Variants in WSCD2 observed in about 807,000 individuals in gnomAD.
The protein encoded by WSCD2 is WSC domain sialate O sulfotransferase 2.
Under a neutral mutation model 55.7 loss-of-function variants are expected in WSCD2, and 28 were observed. That is an observed-to-expected ratio of 0.50 (90% confidence interval 0.37 to 0.69). WSCD2 has a LOEUF of 0.69. WSCD2 is among the 30% of genes least tolerant of loss of function. The pLI is 0.00. For missense variants in WSCD2, 616 were observed against 762.1 expected (o/e 0.81, Z 2.26); for synonymous variants, 301 against 301.9 (o/e 1.00, Z 0.03).
chr12:108,210,031 C>G lies in WSCD2; in HGVS notation c.498-90C>G. 1 of 1,545,316 alleles carries G rather than the reference C, an allele frequency of 6.5e-7. No individual in the cohort carries two copies. The highest frequency in any genetic ancestry group is 1.2e-5 in the South Asian group (1 of 83,988). On this transcript the variant is annotated intron_variant, in intron 3 of 8. Transcript: ENST00000547525. This position sits in a 1 kb window ranked among gnomAD's most constrained non-coding sequence, Gnocchi z 4.3. The stretch of plus-strand genomic sequence containing the variant: ...CCCTGGGATCTCCTGGTCCCCAGAG[C>G]CCTCCCATCCCCCAGGTCTCCATGT...
intron 7 of WSCD2, 40 bp from the exon 8 acceptor site, chr12:108,240,304 C>T: frequency 6.2e-7 from 1 of 1,608,084 alleles, no homozygotes; most frequent in Non-Finnish European, 8.5e-7. Context: ...CTTGCTTCCC[C>T]AGCTCACCAG....
intron 4 of WSCD2, among the ~76,000 whole-genome samples, chr12:108,218,934 C>A (rs1282834514): frequency 6.6e-6 from 1 of 152,190 alleles, no homozygotes; most frequent in Non-Finnish European, 1.5e-5. Context: ...GTTACTCTCT[C>A]TTCTTATGAT....
At chr12:108,209,595 C>T (rs1399712697) in intron 3 of WSCD2, among the ~76,000 whole-genome samples, 1 of 151,896 alleles carries the variant, frequency 6.6e-6, no homozygotes, top group African/African-American at 2.4e-5. Flanking sequence ...GTGGATGGTC[C>T]CTGGGTGTTC....
At chr12:108,142,850 G>A (rs550081966) in intron 1 of WSCD2, among the ~76,000 whole-genome samples, 1 of 151,698 alleles carries the variant, frequency 6.6e-6, no homozygotes, top group Non-Finnish European at 1.5e-5. Flanking sequence ...GTCTTGCTCT[G>A]TCACCCAGGC....
chr12:108,203,746 A>G (rs1251000830), intron 2 of WSCD2, among the ~76,000 whole-genome samples: 1 of 152,248 alleles, frequency 6.6e-6, no homozygotes, highest in Non-Finnish European at 1.5e-5. Flanking sequence ...GAATGTGCCT[A>G]TCCTTACCCT....
At chr12:108,166,407 G>A (rs1879596343) in intron 1 of WSCD2, among the ~76,000 whole-genome samples, 1 of 152,220 alleles carries the variant, frequency 6.6e-6, no homozygotes, top group Non-Finnish European at 1.5e-5. Context: ...GATTCTTAGG[G>A]TGTCTGCTCC....
At chr12:108,227,880 A>C (rs572349470) in intron 6 of WSCD2, among the ~76,000 whole-genome samples, 1 of 152,080 alleles carries the variant, frequency 6.6e-6, no homozygotes, top group African/African-American at 2.4e-5. Flanking sequence ...GATGAAAGTG[A>C]TGATGACGAT....
chr12:108,175,900 C>T (rs1459698516), intron 1 of WSCD2, among the ~76,000 whole-genome samples: 2 of 152,092 alleles, frequency 1.3e-5, no homozygotes, highest in African/African-American at 4.8e-5. Flanking sequence ...AGTGCAGTGG[C>T]ACGATCTTGG....
At chr12:108,207,903 C>A (rs1885623796) in intron 3 of WSCD2, among the ~76,000 whole-genome samples, 1 of 152,024 alleles carries the variant, frequency 6.6e-6, no homozygotes, top group Non-Finnish European at 1.5e-5. Flanking sequence ...GAGCTCACAG[C>A]CGGCAAGGGG....
chr12:108,222,683 G>A (rs901742735), intron 4 of WSCD2, among the ~76,000 whole-genome samples: 74 of 152,234 alleles, frequency 4.9e-4, no homozygotes, highest in African/African-American at 1.3e-3. Context: ...AATAGAGATG[G>A]AGGTCTCACT....
chr12:108,165,095 T>C (rs1879476262), intron 1 of WSCD2, among the ~76,000 whole-genome samples: 1 of 152,122 alleles, frequency 6.6e-6, no homozygotes, highest in Admixed American at 6.6e-5. Flanking sequence ...CTGGAGCAAA[T>C]TTTAAGGGAT....
Position 108,248,192 on chromosome 12 carries a change from GC to G in WSCD2, c.1548del (p.Asn517ThrfsTer39). 1 of 1,614,186 alleles carries G rather than the reference GC, an allele frequency of 6.2e-7. No individual in the cohort carries two copies. On this transcript the variant is annotated frameshift_variant, in exon 9 of 9. Transcript: ENST00000547525. LOFTEE classifies it high-confidence loss of function. The surrounding 1 kb of genome is among the most constrained non-coding windows in gnomAD (Gnocchi z 4.3). ...RLLCVESQKD[G>X]NFKRSGLRKL... ...CTCTGTGTGGAGAGCCAGAAGGATG[GC>G]AACTTCAAGCGCTCAGGGCTCCGGA...
At chr12:108,154,434 C>G (rs1024337668) in intron 1 of WSCD2, among the ~76,000 whole-genome samples, 14 of 152,182 alleles carry the variant, frequency 9.2e-5, no homozygotes, top group Admixed American at 1.3e-4. Flanking sequence ...TTCTCCGACT[C>G]TGACCCTCCT....
chr12:108,245,454 G>T (rs1177340257), intron 8 of WSCD2, among the ~76,000 whole-genome samples: 1 of 152,154 alleles, frequency 6.6e-6, no homozygotes, highest in Non-Finnish European at 1.5e-5. Context: ...AGTCAACAAG[G>T]ACACTCTGTC....
intron 7 of WSCD2, among the ~76,000 whole-genome samples, chr12:108,239,275 G>A (rs944383780): frequency 6.6e-6 from 1 of 152,052 alleles, no homozygotes; most frequent in Non-Finnish European, 1.5e-5. Context: ...TCCCTTCCCA[G>A]CTCTCTTGAG....
intron 4 of WSCD2, among the ~76,000 whole-genome samples, chr12:108,223,247 A>C (rs1186634344): frequency 6.6e-6 from 1 of 152,260 alleles, no homozygotes; most frequent in East Asian, 1.9e-4. Context: ...GGCCTAGCTA[A>C]GTTGACACAT....
intron 1 of WSCD2, among the ~76,000 whole-genome samples, chr12:108,188,242 G>A (rs1020687973): frequency 2.0e-5 from 3 of 152,100 alleles, no homozygotes; most frequent in African/African-American, 7.2e-5. Context: ...GGGGACCCAG[G>A]GGATTCTTTC....
intron 1 of WSCD2, among the ~76,000 whole-genome samples, chr12:108,140,565 C>G (rs1265333842): frequency 1.3e-5 from 2 of 152,152 alleles, no homozygotes; most frequent in African/African-American, 4.8e-5. Context: ...CTGTGTGTCA[C>G]TCAAAAAGAA....
At chr12:108,198,917 T>C (rs1215270255) in intron 2 of WSCD2, among the ~76,000 whole-genome samples, 2 of 152,228 alleles carry the variant, frequency 1.3e-5, no homozygotes, top group Admixed American at 6.5e-5. Flanking sequence ...CACAGGTCAA[T>C]AGTGGGGGAA....
Sources: allele counts gnomAD v4.1 joint callset (sites outside exome capture counted in the v4.1 genomes callset), GRCh38; gene constraint gnomAD v4.1.1; non-coding constraint Gnocchi (gnomAD v3.1); transcripts MANE v1.5; gene names NCBI Gene and HGNC (gene_info 2026-07-23, HGNC 2026-07-21).